The following TPR variants were observed in gnomAD, a reference collection of about 807,000 sequenced individuals.
The protein encoded by TPR is translocated promoter region, nuclear basket protein.
TPR carries 51 observed loss-of-function variants against 316.1 expected under a neutral mutation model. The ratio of observed to expected loss-of-function variants is 0.16; its 90% confidence interval spans 0.13 to 0.20. TPR has a LOEUF of 0.20. Among genes scored for constraint, TPR ranks in the 10% least tolerant of loss-of-function variants. The probability of loss-of-function intolerance (pLI) is 1.00; values close to 1 mark genes in which losing one functional copy is unlikely to be tolerated. For synonymous variants in TPR, 981 were observed against 914.7 expected (o/e 1.07, Z -1.31); for missense variants, 2,272 against 2,754.8 (o/e 0.82, Z 3.92).
intron 4 of TPR, among the ~76,000 whole-genome samples, chr1:186,365,041 T>C (rs1659299589): frequency 6.6e-6 from 1 of 151,358 alleles, no homozygotes; most frequent in Non-Finnish European, 1.5e-5. Flanking sequence ...CTTCTCTGAA[T>C]TGGTTCCACT....
rs1571592165 is a variant in TPR, at chr1:186,314,173, C to T, written c.7037-147G>A. The T allele has an allele frequency of 3.5e-5, 23 of 649,152 alleles. No homozygotes were observed. The East Asian group carries it at 6.4e-4, about 18-fold the overall frequency. The allele number at this position is 649,152 out of a possible 1,614,324, so 40.2% of individuals were successfully genotyped here. ...TCTACAACTTCAATGGAAATTATTA[C>T]AAGCAGATTAATCCCTCTTTTTGTG... On this transcript the variant is annotated intron_variant, in intron 50 of 50. Transcript: ENST00000367478.
rs551866591 is a variant in TPR at position 186,356,944 on chromosome 1, A to G, written c.1724+453T>C. ...TCTATTTATTACATCTGTCTTACCC[A>G]TAACCTGAGGTCTTGGAGTAGAAAT... On this transcript the variant is annotated intron_variant, in intron 14 of 50. Transcript: ENST00000367478. Among the ~76,000 whole-genome samples the G allele has an allele frequency of 2.0e-5, 3 of 152,320 alleles. No individual in the cohort carries two copies. In the South Asian group the frequency reaches 6.2e-4, roughly 32 times the overall value.
At chr1:186,369,505 C>T (rs1659455170) in intron 3 of TPR, among the ~76,000 whole-genome samples, 1 of 151,886 alleles carries the variant, frequency 6.6e-6, no homozygotes, top group South Asian at 2.1e-4. Flanking sequence ...TTTGATGGTA[C>T]TCTAATGAAA....
chr1:186,315,217 C>CAAAAAAAAAAAA (rs1204501907), intron 49 of TPR, among the ~76,000 whole-genome samples: 1 of 129,958 alleles, frequency 7.7e-6, no homozygotes, highest in African/African-American at 3.4e-5. Flanking sequence ...AAAAAAAAAA[C>CAAAAAAAAAAAA]AAACAAACAA....
intron 8 of TPR, 23 bp from the exon 9 acceptor site, chr1:186,361,732 T>C: frequency 6.2e-7 from 1 of 1,613,344 alleles, no homozygotes; most frequent in Non-Finnish European, 8.5e-7. Flanking sequence ...CTTAAAAAGT[T>C]ACCTAACAGT....
chr1:186,340,908 A>T, intron 29 of TPR, 120 bp downstream of exon 29: 1 of 1,248,006 alleles, frequency 8.0e-7, no homozygotes, highest in Non-Finnish European at 1.1e-6. Context: ...AACATAATAG[A>T]CTTTCACTAA....
At chr1:186,322,647 C>A (rs993161008) in intron 43 of TPR, 61 bp from the exon 44 acceptor site, 5 of 1,497,826 alleles carry the variant, frequency 3.3e-6, no homozygotes, top group African/African-American at 2.8e-5. Flanking sequence ...AAACAAACAC[C>A]AAATATCAAC....
At chr1:186,338,786 T>C (rs906759175) in intron 30 of TPR, among the ~76,000 whole-genome samples, 4 of 152,186 alleles carry the variant, frequency 2.6e-5, no homozygotes, top group Admixed American at 6.6e-5. Flanking sequence ...TGAACTGAAC[T>C]TGAAATCAGA....
intron 30 of TPR, among the ~76,000 whole-genome samples, chr1:186,339,062 T>G (rs942775768): frequency 1.3e-5 from 2 of 152,196 alleles, no homozygotes; most frequent in Non-Finnish European, 2.9e-5. Context: ...GAAACATTAA[T>G]TTTAATGTTT....
At position 186,326,234 on chromosome 1, in the gene TPR, T is replaced by C. The variant is rs754507519; in HGVS notation, c.5891A>G (p.Asp1964Gly). ...DDDENDGEHE[D>G]YEEDEEDDDD... ...ATCATCTTCCTCATCCTCTTCATAATCCTAGTAGAAAGTTCCCCAGGCATA... is the reference window on the plus strand; with the variant it reads ...ATCATCTTCCTCATCCTCTTCATAACCCTAGTAGAAAGTTCCCCAGGCATA... Residue 1964 changes from aspartate (D) to glycine (G), a missense_variant and splice_region_variant, in exon 41 of 51, where the codon GAT (aspartate) becomes GGT (glycine). By Grantham distance (94) the Asp-to-Gly change is moderately conservative. Coordinates refer to ENST00000367478, the MANE Select transcript of TPR (RefSeq NM_003292.3). 1.0e-5 allele frequency: 16 copies of C among 1,607,130 alleles called. No homozygotes were observed. The highest frequency in any genetic ancestry group is 1.4e-5 in the Non-Finnish European group (16 of 1,176,546).
At chr1:186,347,772 A>T (rs1187004819) in intron 21 of TPR, among the ~76,000 whole-genome samples, 1 of 152,210 alleles carries the variant, frequency 6.6e-6, no homozygotes, top group African/African-American at 2.4e-5. Flanking sequence ...TAATTTATTA[A>T]ATGTTACGGG....
chr1:186,371,167 T>C, intron 2 of TPR, 124 bp from the exon 3 acceptor site: 1 of 749,174 alleles, frequency 1.3e-6, no homozygotes, highest in Non-Finnish European at 2.2e-6. Flanking sequence ...AAAGACTGCA[T>C]TGTACATCAC....
At chr1:186,317,739 C>G in intron 48 of TPR, 139 bp from the exon 49 acceptor site, 2 of 717,368 alleles carry the variant, frequency 2.8e-6, no homozygotes, top group South Asian at 4.0e-5. Flanking sequence ...ATTTGGTTAC[C>G]ATATATATTT....
chr1:186,335,044 G>C (rs2102067291), intron 35 of TPR, 24 bp downstream of exon 35: 3 of 1,606,262 alleles, frequency 1.9e-6, no homozygotes, highest in African/African-American at 1.3e-5. Context: ...AAAAATAACA[G>C]ACTATGAAAT....
chr1:186,346,012 A>G (rs1658667208), intron 23 of TPR, 123 bp downstream of exon 23: 3 of 1,118,306 alleles, frequency 2.7e-6, no homozygotes, highest in Non-Finnish European at 3.7e-6. Flanking sequence ...CATAAAACTA[A>G]AATTTTGCCT....
chr1:186,330,087 T>C (rs866582702), intron 39 of TPR, among the ~76,000 whole-genome samples: 3 of 152,148 alleles, frequency 2.0e-5, no homozygotes, highest in Non-Finnish European at 2.9e-5. Flanking sequence ...GTGTTAAATA[T>C]TGATATTTAA....
At position 186,341,778 on chromosome 1, in the gene TPR, T is replaced by C. The variant is rs115933443; in HGVS notation, c.3751-389A>G. 736 of 160,554 alleles carry C rather than the reference T, an allele frequency of 4.6e-3. 10 individuals carry two copies. Among genetic ancestry groups the C allele is most frequent in the African/African-American group, 0.017 (701 of 41,780 alleles). The allele number at this position is 160,554 out of a possible 1,614,324, so 9.9% of individuals were successfully genotyped here. Reference sequence around the variant, plus strand: ...TTCAGAAATCTCTCATTTTGATCCATTGTTTCATCACTTTGGCCATGAGAA... The same window carrying C: ...TTCAGAAATCTCTCATTTTGATCCACTGTTTCATCACTTTGGCCATGAGAA... On this transcript the variant is annotated intron_variant, in intron 27 of 50. Transcript: ENST00000367478.
rs1230135276 is a variant in TPR, at chr1:186,313,615, TA to T, written c.*355del. On this transcript the variant is annotated 3_prime_UTR_variant, in exon 51 of 51. Transcript: ENST00000367478. The stretch of plus-strand genomic sequence containing the variant: ...TTGTCTTTGAGCATAATAGTCAACA[TA>T]AGTTATTTTTTAGTTTGGGCATTGT... 10 of 922,188 alleles carry T rather than the reference TA, an allele frequency of 1.1e-5. No homozygotes were observed. Among genetic ancestry groups the T allele is most frequent in the Non-Finnish European group, 1.6e-5 (9 of 550,890 alleles). 57.1% of individuals were successfully genotyped at this position (922,188 alleles called of 1,614,324 possible).
chr1:186,360,051 G>A, intron 11 of TPR, 55 bp from the exon 12 acceptor site: 1 of 1,537,166 alleles, frequency 6.5e-7, no homozygotes, highest in South Asian at 1.2e-5. Flanking sequence ...CAAATATTTA[G>A]TTGATCTAGT....
Sources: allele counts gnomAD v4.1 joint callset (sites outside exome capture counted in the v4.1 genomes callset), GRCh38; gene constraint gnomAD v4.1.1; transcripts MANE v1.5; gene names NCBI Gene and HGNC (gene_info 2026-07-23, HGNC 2026-07-21).